The following SGCZ variants were observed in gnomAD, a reference collection of about 807,000 sequenced individuals.
The protein encoded by SGCZ is zeta-sarcoglycan.
SGCZ carries 40 observed loss-of-function variants against 41.3 expected under a neutral mutation model. The observed-to-expected ratio is 0.97, with a 90% confidence interval of 0.75 to 1.26. The LOEUF is 1.26. SGCZ is among the 50% of genes most tolerant of loss of function. The pLI is 0.00. For missense variants in SGCZ, 552 were observed against 369.8 expected (o/e 1.49, Z -4.04); for synonymous variants, 206 against 137.5 (o/e 1.50, Z -3.49).
intron 3 of SGCZ, among the ~76,000 whole-genome samples, chr8:14,249,175 C>T (rs1799202733): frequency 6.6e-6 from 1 of 152,126 alleles, no homozygotes. Context: ...AATAGAATAA[C>T]AAGGCAGAAT....
At chr8:14,694,779 A>G in intron 1 of SGCZ, among the ~76,000 whole-genome samples, 1 of 152,206 alleles carries the variant, frequency 6.6e-6, no homozygotes, top group Non-Finnish European at 1.5e-5. Flanking sequence ...TGTTCTTTTC[A>G]CATTTCTAAA....
chr8:14,297,558 A>T lies in SGCZ; in HGVS notation c.336+26545T>A, dbSNP rs140382950. Among the ~76,000 whole-genome samples the T allele has an allele frequency of 6.9e-3, 1,052 of 152,020 alleles. 13 individuals are homozygous for T. The highest frequency in any genetic ancestry group is 0.024 in the African/African-American group (995 of 41,544). On this transcript the variant is annotated intron_variant, in intron 3 of 7. Coordinates refer to ENST00000382080, the MANE Select transcript of SGCZ (RefSeq NM_139167.4). ...AAAACCAAAATTACCGCTTTCTAGA[A>T]TAAAAGCAAAGACAATAATATAGAG...
chr8:15,019,886 T>C lies in SGCZ; in HGVS notation c.39+217699A>G, dbSNP rs541179308. On this transcript the variant is annotated intron_variant, in intron 1 of 7. Coordinates refer to ENST00000382080, the MANE Select transcript of SGCZ (RefSeq NM_139167.4). ...TAGATTCGAAAGACAGTTTTCTGGG[T>C]ATTCAAGTAGTCTCATGCAGATTAG... 2.7e-5 allele frequency among the ~76,000 whole-genome samples: 4 copies of C among 149,914 alleles called. No individual in the cohort carries two copies. In the South Asian group the frequency reaches 6.5e-4, roughly 24 times the overall value.
chr8:14,250,913 A>C (rs79230920), intron 3 of SGCZ, among the ~76,000 whole-genome samples: 4,859 of 152,214 alleles, frequency 0.032, 91 homozygotes, highest in African/African-American at 0.053. Flanking sequence ...ATAATTATTA[A>C]GCTAGAGATG....
intron 1 of SGCZ, among the ~76,000 whole-genome samples, chr8:14,780,053 C>T (rs1405076670): frequency 6.6e-6 from 1 of 151,974 alleles, no homozygotes; most frequent in African/African-American, 2.4e-5. Context: ...CTGTTGGAGG[C>T]TGACTACTGA....
intron 1 of SGCZ, among the ~76,000 whole-genome samples, chr8:14,887,840 T>C (rs1171921804): frequency 6.6e-6 from 1 of 152,172 alleles, no homozygotes; most frequent in Non-Finnish European, 1.5e-5. Flanking sequence ...ATACTCCAGA[T>C]TCATCCATAT....
chr8:14,100,727 T>C (rs1801994119), intron 7 of SGCZ, among the ~76,000 whole-genome samples: 1 of 151,572 alleles, frequency 6.6e-6, no homozygotes, highest in African/African-American at 2.4e-5. Flanking sequence ...AAAAAGGAAG[T>C]AAATGTATAA....
chr8:14,341,695 A>T (rs546557542), intron 2 of SGCZ, among the ~76,000 whole-genome samples: 1 of 152,270 alleles, frequency 6.6e-6, no homozygotes, highest in South Asian at 2.1e-4. Flanking sequence ...TAATTGAATC[A>T]TGGGGGCCAG....
intron 1 of SGCZ, among the ~76,000 whole-genome samples, chr8:14,710,426 C>A (rs1215043528): frequency 2.0e-5 from 3 of 148,516 alleles, no homozygotes; most frequent in Non-Finnish European, 4.5e-5. Flanking sequence ...CAAACTTGAT[C>A]TAACAATTCA....
chr8:14,188,315 G>T (rs988436610), intron 4 of SGCZ, among the ~76,000 whole-genome samples: 1 of 152,148 alleles, frequency 6.6e-6, no homozygotes. Context: ...TTCTTCCTTT[G>T]TGTGATTTAA....
chr8:15,086,927 T>C (rs1290235908), intron 1 of SGCZ, among the ~76,000 whole-genome samples: 1 of 152,158 alleles, frequency 6.6e-6, no homozygotes, highest in African/African-American at 2.4e-5. Flanking sequence ...GGCATCCTTT[T>C]CATTGACTAT....
chr8:14,821,816 A>G (rs1802098410), intron 1 of SGCZ, among the ~76,000 whole-genome samples: 1 of 152,108 alleles, frequency 6.6e-6, no homozygotes, highest in Non-Finnish European at 1.5e-5. Flanking sequence ...GGCAAATAAC[A>G]CAATAAAGGC....
At chr8:14,695,579 A>T (rs1808932556) in intron 1 of SGCZ, among the ~76,000 whole-genome samples, 1 of 152,126 alleles carries the variant, frequency 6.6e-6, no homozygotes, top group Non-Finnish European at 1.5e-5. Flanking sequence ...GGTCAGATTT[A>T]ATTATCTTCC....
intron 1 of SGCZ, among the ~76,000 whole-genome samples, chr8:14,651,904 GA>G (rs902091100): frequency 1.1e-4 from 16 of 151,130 alleles, no homozygotes; most frequent in African/African-American, 3.2e-4. Context: ...TGTTCTGGGG[GA>G]AAAAAAGTAT....
chr8:14,475,302 G>T (rs758127711), intron 2 of SGCZ, among the ~76,000 whole-genome samples: 9 of 152,042 alleles, frequency 5.9e-5, no homozygotes, highest in Non-Finnish European at 1.0e-4. Context: ...CATAATAAAA[G>T]AATTGTGGAG....
At chr8:14,687,440 C>T (rs1343533814) in intron 1 of SGCZ, among the ~76,000 whole-genome samples, 12 of 150,754 alleles carry the variant, frequency 8.0e-5, no homozygotes, top group South Asian at 4.2e-4. Context: ...TGAGAATATG[C>T]GGTGTTTGGT....
intron 1 of SGCZ, among the ~76,000 whole-genome samples, chr8:15,143,540 G>A (rs1011916700): frequency 5.3e-5 from 8 of 152,146 alleles, no homozygotes; most frequent in African/African-American, 1.2e-4. Context: ...AATTAGTTAA[G>A]TACCATTTAG....
At chr8:14,546,016 T>C (rs1803614591) in intron 2 of SGCZ, among the ~76,000 whole-genome samples, 2 of 152,166 alleles carry the variant, frequency 1.3e-5, no homozygotes, top group African/African-American at 4.8e-5. Flanking sequence ...AAAGGAAATA[T>C]ACTGCCAGCT....
chr8:14,454,159 G>C (rs1389858811), intron 2 of SGCZ, among the ~76,000 whole-genome samples: 1 of 152,156 alleles, frequency 6.6e-6, no homozygotes, highest in Non-Finnish European at 1.5e-5. Flanking sequence ...TTCTGTGTCA[G>C]ATAGTAAGAG....
Sources: gnomAD v4.1 joint callset for allele counts (sites outside exome capture counted in the v4.1 genomes callset) on GRCh38, gnomAD v4.1.1 for gene constraint, MANE v1.5 for transcripts, NCBI Gene and HGNC (gene_info 2026-07-23, HGNC 2026-07-21) for gene names.